Variants in GABRA2 observed in about 807,000 individuals in gnomAD.
GABRA2 encodes gamma-aminobutyric acid type A receptor subunit alpha2, also known as gamma-aminobutyric acid receptor subunit alpha-2.
Under a neutral mutation model 48.7 loss-of-function variants are expected in GABRA2, and 16 were observed. That is an observed-to-expected ratio of 0.33 (90% CI 0.22 to 0.50). The LOEUF (loss-of-function observed/expected upper bound fraction) is 0.50, where lower values mean the gene tolerates loss of function less well. Among genes scored for constraint, GABRA2 ranks in the 20% least tolerant of loss-of-function variants. GABRA2 has a pLI of 0.98. For missense variants in GABRA2, 275 were observed against 535.6 expected (o/e 0.51, Z 4.80); for synonymous variants, 185 against 184.5 (o/e 1.00, Z -0.02).
At chr4:46,344,861 T>C (rs184646578) in intron 3 of GABRA2, among the ~76,000 whole-genome samples, 101 of 152,108 alleles carry the variant, frequency 6.6e-4, no homozygotes, top group African/African-American at 2.3e-3. Flanking sequence ...ATGTATACAT[T>C]CTTATTATAA....
chr4:46,284,077 GA>G (rs3068328), intron 8 of GABRA2, among the ~76,000 whole-genome samples: 481 of 123,358 alleles, frequency 3.9e-3, no homozygotes, highest in African/African-American at 6.4e-3. Context: ...GTTCTTAATA[GA>G]AAAAAAAAAA....
intron 3 of GABRA2, among the ~76,000 whole-genome samples, chr4:46,334,888 A>G (rs1385881755): frequency 6.6e-6 from 1 of 152,220 alleles, no homozygotes; most frequent in Admixed American, 6.5e-5. Context: ...TCAGCAAGCC[A>G]AACACTGACG....
chr4:46,378,467 C>G lies in GABRA2; in HGVS notation c.187+7607G>C, dbSNP rs556309800. ...AACAGATGCTTGAAGGCAGCATGCT[C>G]GTTAAGAGTCATCACCACTCCCTAA... On this transcript the variant is annotated intron_variant, in intron 3 of 9. Coordinates refer to ENST00000381620, the MANE Select transcript of GABRA2 (RefSeq NM_000807.4). 3.1e-4 allele frequency among the ~76,000 whole-genome samples: 47 copies of G among 151,924 alleles called. No homozygotes were observed. In the East Asian group the frequency reaches 7.0e-3, roughly 23 times the overall value.
At chr4:46,294,153 T>C (rs1724200006) in intron 8 of GABRA2, among the ~76,000 whole-genome samples, 2 of 152,236 alleles carry the variant, frequency 1.3e-5, no homozygotes, top group Non-Finnish European at 2.9e-5. Flanking sequence ...ATAATCTTAT[T>C]CAGACAGAAA....
intron 1 of GABRA2, chr4:46,389,275 A>G (rs1717910825): frequency 1.0e-6 from 1 of 985,324 alleles, no homozygotes; most frequent in African/African-American, 1.7e-5. Context: ...CACTCCCCTT[A>G]ACAAAATAAA....
intron 8 of GABRA2, among the ~76,000 whole-genome samples, chr4:46,265,332 G>A (rs1036615825): frequency 2.8e-5 from 4 of 143,672 alleles, no homozygotes; most frequent in Non-Finnish European, 6.0e-5. Context: ...GAGCCACCGC[G>A]CCTTGCCACT....
At chr4:46,389,325 G>A in intron 1 of GABRA2, 1 of 985,422 alleles carries the variant, frequency 1.0e-6, no homozygotes, top group Non-Finnish European at 1.2e-6. Flanking sequence ...GGTTGCCCAA[G>A]ACCAAGTCTT....
At chr4:46,276,638 T>A (rs1180503913) in intron 8 of GABRA2, among the ~76,000 whole-genome samples, 2 of 150,908 alleles carry the variant, frequency 1.3e-5, no homozygotes, top group Non-Finnish European at 3.0e-5. Flanking sequence ...GATGTCATAA[T>A]GATGTAATAG....
intron 4 of GABRA2, among the ~76,000 whole-genome samples, chr4:46,317,371 T>A (rs1194511621): frequency 6.6e-6 from 1 of 151,808 alleles, no homozygotes; most frequent in East Asian, 1.9e-4. Flanking sequence ...AATATTAGAA[T>A]CTCGATTTTT....
Position 46,389,742 on chromosome 4 carries a change from G to A in GABRA2, c.-18C>T. 1 of 977,818 alleles carries A rather than the reference G, an allele frequency of 1.0e-6. No individual in the cohort carries two copies. Among genetic ancestry groups the A allele is most frequent in the Non-Finnish European group, 1.2e-6 (1 of 828,854 alleles). The allele number at this position is 977,818 out of a possible 1,614,324, so 60.6% of individuals were successfully genotyped here. A position where few individuals can be genotyped will look rare whatever the true frequency, so the allele number is the denominator to read the frequency against. ...CAACGTGTGCGACCCTACCTGAAAC[G>A]GCAAGCAGAATTCGGTGTTTTCTTC... On this transcript the variant is annotated 5_prime_UTR_variant, in exon 1 of 10. Coordinates refer to ENST00000381620, the MANE Select transcript of GABRA2 (RefSeq NM_000807.4).
chr4:46,325,027 A>G (rs1326181780), intron 4 of GABRA2, among the ~76,000 whole-genome samples: 1 of 152,022 alleles, frequency 6.6e-6, no homozygotes, highest in Non-Finnish European at 1.5e-5. Context: ...TGCAATGAAC[A>G]TACATAGTTC....
intron 4 of GABRA2, among the ~76,000 whole-genome samples, chr4:46,329,821 T>C (rs1731028226): frequency 6.6e-6 from 1 of 152,080 alleles, no homozygotes; most frequent in Non-Finnish European, 1.5e-5. Context: ...CTAAAACAAC[T>C]GTTGGCAAGC....
intron 3 of GABRA2, among the ~76,000 whole-genome samples, chr4:46,353,467 T>C (rs1425536685): frequency 6.6e-6 from 1 of 152,098 alleles, no homozygotes; most frequent in Admixed American, 6.6e-5. Context: ...CTCATTTTAC[T>C]CAGAAGTAAA....
At position 46,256,237 on chromosome 4, in the gene GABRA2, G is replaced by A. The variant is rs1322098575; in HGVS notation, c.1060-5633C>T. 7.2e-6 allele frequency: 5 copies of A among 693,334 alleles called. No homozygotes were observed. The South Asian group carries it at 7.5e-5, about 10-fold the overall frequency. 42.9% of individuals were successfully genotyped at this position (693,334 alleles called of 1,614,324 possible). The stretch of plus-strand genomic sequence containing the variant: ...TTAAACAGTCCATCCACTTCTCTAA[G>A]TACTCTAAAGTCTTTTCTTGGAATA... On this transcript the variant is annotated intron_variant, in intron 9 of 9. Transcript: ENST00000381620.
intron 3 of GABRA2, chr4:46,367,898 C>A (rs1355502687): frequency 6.6e-6 from 1 of 152,100 alleles, no homozygotes; most frequent in Non-Finnish European, 1.5e-5. Context: ...GGTAGGGTTG[C>A]ACTTCCCTGC....
intron 9 of GABRA2, 68 bp from the exon 10 acceptor site, chr4:46,250,672 C>G: frequency 8.4e-7 from 1 of 1,194,988 alleles, no homozygotes; most frequent in South Asian, 1.5e-5. Flanking sequence ...CTAAAGTCCA[C>G]TTCAAATTCT....
At chr4:46,290,070 C>G (rs1309921432) in intron 8 of GABRA2, among the ~76,000 whole-genome samples, 1 of 143,332 alleles carries the variant, frequency 7.0e-6, no homozygotes, top group Non-Finnish European at 1.5e-5. Context: ...CGCCACCGTG[C>G]CCGGCTCATT....
intron 3 of GABRA2, among the ~76,000 whole-genome samples, chr4:46,378,611 C>G (rs1372645610): frequency 1.3e-5 from 2 of 151,444 alleles, no homozygotes; most frequent in Non-Finnish European, 2.9e-5. Context: ...TGTCCTGTGA[C>G]CCTGCCAAAT....
At chr4:46,260,259 CAT>C (rs1417173225) in intron 9 of GABRA2, among the ~76,000 whole-genome samples, 2 of 151,804 alleles carry the variant, frequency 1.3e-5, no homozygotes, top group African/African-American at 2.4e-5. Context: ...ACTAAAATAA[CAT>C]AAACAACGTT....
Sources: allele counts gnomAD v4.1 joint callset (sites outside exome capture counted in the v4.1 genomes callset), GRCh38; gene constraint gnomAD v4.1.1; transcripts MANE v1.5; gene names NCBI Gene and HGNC (gene_info 2026-07-23, HGNC 2026-07-21).